The following ZMIZ1 variants were observed in gnomAD, a reference collection of about 807,000 sequenced individuals.
The protein encoded by ZMIZ1 is zinc finger MIZ domain-containing protein 1.
ZMIZ1 carries 17 observed loss-of-function variants against 113.9 expected under a neutral mutation model. The ratio of observed to expected loss-of-function variants is 0.15; its 90% CI spans 0.10 to 0.22. The LOEUF (loss-of-function observed/expected upper bound fraction) is 0.22. ZMIZ1 is among the 10% of genes least tolerant of loss of function. The probability of loss-of-function intolerance (pLI) is 1.00; values close to 1 mark genes in which losing one functional copy is unlikely to be tolerated. For synonymous variants in ZMIZ1, 607 were observed against 603.1 expected (o/e 1.01, Z -0.09); for missense variants, 1,059 against 1,477.8 (o/e 0.72, Z 4.65).
chr10:79,239,562 T>C (rs1564543078), intron 7 of ZMIZ1, among the ~76,000 whole-genome samples: 1 of 152,168 alleles, frequency 6.6e-6, no homozygotes, highest in Non-Finnish European at 1.5e-5. Flanking sequence ...AAGAGCTCTG[T>C]GTCTCAGAAC....
chr10:79,094,326 C>G (rs1258855248), intron 1 of ZMIZ1, among the ~76,000 whole-genome samples: 1 of 151,112 alleles, frequency 6.6e-6, no homozygotes, highest in Non-Finnish European at 1.5e-5. Flanking sequence ...GGCCTCTGCT[C>G]TCCCTGCAAC....
At chr10:79,304,222 G>C (rs1235161681) in intron 19 of ZMIZ1, 47 bp downstream of exon 19, 1 of 1,586,666 alleles carries the variant, frequency 6.3e-7, no homozygotes, top group African/African-American at 1.3e-5. Context: ...CCTAGACTCT[G>C]GCTGGGATGG....
intron 6 of ZMIZ1, 88 bp downstream of exon 6, chr10:79,208,537 A>C (rs1475670820): frequency 1.8e-6 from 2 of 1,108,154 alleles, no homozygotes; most frequent in East Asian, 5.1e-5. Flanking sequence ...AGAGGTTGTC[A>C]GACATTGGGA....
rs540424647 is a variant in ZMIZ1 at position 79,265,743 on chromosome 10, G to A, written c.281-11438G>A. 5.5e-3 allele frequency among the ~76,000 whole-genome samples: 836 copies of A among 152,222 alleles called. 6 individuals carry two copies. Among genetic ancestry groups the A allele is most frequent in the African/African-American group, 0.019 (796 of 41,536 alleles). The stretch of plus-strand genomic sequence containing the variant: ...AAGTGATGTTTTCTATAACCAAGGA[G>A]AAGGCCTAGCCCCTCAGCAGCCCCA... On this transcript the variant is annotated intron_variant, in intron 7 of 24. Coordinates refer to ENST00000334512, the MANE Select transcript of ZMIZ1 (RefSeq NM_020338.4).
chr10:79,195,072 C>T (rs534709623), intron 4 of ZMIZ1, among the ~76,000 whole-genome samples: 5 of 152,294 alleles, frequency 3.3e-5, no homozygotes. Context: ...CCCGGGGCTG[C>T]CGGGCCTTCA....
At position 79,293,432 on chromosome 10, in the gene ZMIZ1, C is replaced by T. The variant is rs1853650114; in HGVS notation, c.1009C>T (p.Arg337Trp). ...CCAATTCATGAACCAGCCCGGGCCG[C>T]GGGGGCCTGCCTCCATGGGGGGCAG... is the stretch of plus-strand genomic sequence containing the variant. The part of the protein sequence containing the change: ...NSQFMNQPGP[R>W]GPASMGGSMN... The change falls in exon 12 of 25, where the codon CGG becomes TGG. Residue 337 changes from arginine (R) to tryptophan (W), a missense_variant. Arg to Trp is a moderately radical substitution (Grantham distance 101). Transcript: ENST00000334512. 2 of 1,527,628 alleles carry T rather than the reference C, an allele frequency of 1.3e-6. No individual in the cohort carries two copies. Among genetic ancestry groups the T allele is most frequent in the Non-Finnish European group, 1.8e-6 (2 of 1,138,160 alleles). 94.6% of individuals were successfully genotyped at this position (1,527,628 alleles called of 1,614,324 possible).
At chr10:79,139,565 T>C (rs1845173282) in intron 2 of ZMIZ1, 117 bp from the exon 3 acceptor site, 1 of 397,068 alleles carries the variant, frequency 2.5e-6, no homozygotes, top group South Asian at 1.4e-4. Context: ...CGGGGTGTGC[T>C]TAAGTGACCC....
chr10:79,181,394 G>A (rs910632666), intron 4 of ZMIZ1, among the ~76,000 whole-genome samples: 1 of 152,232 alleles, frequency 6.6e-6, no homozygotes, highest in Non-Finnish European at 1.5e-5. Flanking sequence ...TTGTAGCCTT[G>A]TCCTCCTGCC....
intron 4 of ZMIZ1, among the ~76,000 whole-genome samples, chr10:79,179,963 C>T (rs1001593467): frequency 3.3e-5 from 5 of 152,246 alleles, no homozygotes; most frequent in Admixed American, 2.6e-4. Context: ...CTGGGGCCAA[C>T]GGGGCAGGCT....
intron 4 of ZMIZ1, among the ~76,000 whole-genome samples, chr10:79,166,013 G>T (rs554554125): frequency 2.9e-5 from 2 of 69,850 alleles, no homozygotes; most frequent in East Asian, 1.1e-3. Flanking sequence ...GGCTCTCCCT[G>T]CAGGGTGGGG....
At chr10:79,191,138 A>C (rs538239420) in intron 4 of ZMIZ1, among the ~76,000 whole-genome samples, 1 of 152,182 alleles carries the variant, frequency 6.6e-6, no homozygotes, top group African/African-American at 2.4e-5. Flanking sequence ...CCAGAGCATT[A>C]CCATCCCTAT....
At chr10:79,290,024 C>A in intron 9 of ZMIZ1, 135 bp downstream of exon 9, 2 of 874,392 alleles carry the variant, frequency 2.3e-6, no homozygotes, top group Non-Finnish European at 3.5e-6. Context: ...GCACACCCAG[C>A]TGTGGACACG....
intron 4 of ZMIZ1, among the ~76,000 whole-genome samples, chr10:79,191,509 C>T (rs758877764): frequency 2.6e-5 from 4 of 152,204 alleles, no homozygotes; most frequent in Admixed American, 6.5e-5. Context: ...AGCCTTGAGG[C>T]AGAGCCAGGA....
intron 23 of ZMIZ1, 35 bp from the exon 24 acceptor site, chr10:79,310,889 A>G: frequency 6.3e-7 from 1 of 1,591,302 alleles, no homozygotes; most frequent in South Asian, 1.1e-5. Context: ...TCCTCACCTC[A>G]CCTCTCTTCT....
In ZMIZ1 at chr10:79,299,200, CAG is replaced by C. The variant is rs1332760160; in HGVS notation, c.1808+10_1808+11del. ...CAGACGCTGATGTGGAGGTGCGTGT[CAG>C]GGCAGGGGCGCCAGCCCAGGCGGGA... On this transcript the variant is annotated intron_variant, in intron 16 of 24. Transcript: ENST00000334512. 44 of 1,599,530 alleles carry C rather than the reference CAG, an allele frequency of 2.8e-5. No homozygotes were observed. In the Admixed American group the frequency reaches 7.2e-4, roughly 26 times the overall value.
chr10:79,191,124 C>T (rs7082565), intron 4 of ZMIZ1, among the ~76,000 whole-genome samples: 29,322 of 151,988 alleles, frequency 0.19, 3,222 homozygotes, highest in South Asian at 0.3. Flanking sequence ...CCACCTCTTG[C>T]ATACCAGAGC....
At chr10:79,283,129 TC>T in intron 8 of ZMIZ1, among the ~76,000 whole-genome samples, 1 of 152,262 alleles carries the variant, frequency 6.6e-6, no homozygotes, top group East Asian at 1.9e-4. Flanking sequence ...CAGTCAAAAC[TC>T]GCTAGGGCTG....
intron 4 of ZMIZ1, among the ~76,000 whole-genome samples, chr10:79,195,730 C>A (rs1343821618): frequency 6.6e-6 from 1 of 152,180 alleles, no homozygotes; most frequent in Non-Finnish European, 1.5e-5. Context: ...AAGGTCATCT[C>A]CTGGGGCCCA....
intron 4 of ZMIZ1, among the ~76,000 whole-genome samples, chr10:79,181,649 C>T (rs1847126274): frequency 6.6e-6 from 1 of 152,240 alleles, no homozygotes; most frequent in African/African-American, 2.4e-5. Flanking sequence ...CCTCTAGGCC[C>T]TGGCTGTCCA....
Sources: allele counts gnomAD v4.1 joint callset (sites outside exome capture counted in the v4.1 genomes callset), GRCh38; gene constraint gnomAD v4.1.1; transcripts MANE v1.5; gene names NCBI Gene and HGNC (gene_info 2026-07-23, HGNC 2026-07-21).